The following CDH1 variants were observed in gnomAD, a reference collection of about 807,000 sequenced individuals.
CDH1 encodes the protein cadherin-1.
A neutral mutation model predicts 84.5 loss-of-function variants in CDH1; 35 were observed. That is an observed-to-expected ratio of 0.41 (90% CI 0.32 to 0.55). The LOEUF (loss-of-function observed/expected upper bound fraction) is 0.55, where lower values mean the gene tolerates loss of function less well. Ranked by LOEUF, CDH1 falls within the 20% of genes least tolerant of loss-of-function variation. The probability of loss-of-function intolerance (pLI) is 0.19; values close to 1 mark genes in which losing one functional copy is unlikely to be tolerated. For missense variants in CDH1, 994 were observed against 1,126.6 expected, an observed-to-expected ratio of 0.88 and a Z score of 1.68; for synonymous variants, 417 against 439.0, an observed-to-expected ratio of 0.95 and a Z score of 0.63.
Position 68,737,369 on chromosome 16 carries a change from C to T in CDH1, c.-47C>T, listed in dbSNP as rs1064796160. 3.3e-6 allele frequency: 5 copies of T among 1,511,614 alleles called. No homozygotes were observed. The highest frequency in any genetic ancestry group is 4.4e-6 in the Non-Finnish European group (5 of 1,130,006). The allele number at this position is 1,511,614 out of a possible 1,614,324, so 93.6% of individuals were successfully genotyped here. A position where few individuals can be genotyped will look rare whatever the true frequency, so the allele number is the denominator to read the frequency against. ...TCCAGCCCGCTCCAGCCCGGCCCGA[C>T]CCGACCGCACCCGGCGCCTGCCCTC... On this transcript the variant is annotated 5_prime_UTR_variant, in exon 1 of 16. Coordinates refer to ENST00000261769, the MANE Select transcript of CDH1 (RefSeq NM_004360.5).
chr16:68,814,318 C>A (rs537134190), intron 9 of CDH1: 1 of 152,956 alleles, frequency 6.5e-6, no homozygotes, highest in Non-Finnish European at 1.5e-5. Context: ...GAGGCCGAGG[C>A]GGGCAGATCA....
At chr16:68,791,960 G>A (rs1960219908) in intron 2 of CDH1, among the ~76,000 whole-genome samples, 2 of 152,010 alleles carry the variant, frequency 1.3e-5, no homozygotes, top group South Asian at 4.2e-4. Flanking sequence ...TCTCTCTGTT[G>A]CCCAGGCTGG....
chr16:68,799,030 C>G (rs1215499142), intron 2 of CDH1, among the ~76,000 whole-genome samples: 1 of 152,184 alleles, frequency 6.6e-6, no homozygotes, highest in African/African-American at 2.4e-5. Flanking sequence ...CTGTCTTGGT[C>G]TTCACAAAAC....
chr16:68,819,006 C>T (rs1011371127), intron 10 of CDH1, among the ~76,000 whole-genome samples: 8 of 152,090 alleles, frequency 5.3e-5, no homozygotes, highest in African/African-American at 1.9e-4. Context: ...CAGGCGTGTG[C>T]CACCACACCC....
At chr16:68,811,563 C>G in intron 6 of CDH1, 121 bp from the exon 7 acceptor site, 1 of 850,572 alleles carries the variant, frequency 1.2e-6, no homozygotes, top group Non-Finnish European at 2.0e-6. Context: ...TTAGGGAACT[C>G]TGACACGGTA....
chr16:68,799,528 C>A (rs1960442723), intron 2 of CDH1, among the ~76,000 whole-genome samples: 1 of 152,018 alleles, frequency 6.6e-6, no homozygotes, highest in Non-Finnish European at 1.5e-5. Flanking sequence ...GAGAACCTTT[C>A]AATCTTTCCT....
chr16:68,833,880 G>T lies in CDH1; in HGVS notation c.*381G>T. On this transcript the variant is annotated 3_prime_UTR_variant, in exon 16 of 16. Transcript: ENST00000261769. Reference sequence around the variant, plus strand: ...AGAAGGGGAGAAGTCAGCTACTCTAGTTCTGTTGTTTTGTGTATATAATTT... The same window carrying T: ...AGAAGGGGAGAAGTCAGCTACTCTATTTCTGTTGTTTTGTGTATATAATTT... The T allele has an allele frequency of 2.7e-6, 1 of 366,298 alleles. No homozygotes were observed. Among genetic ancestry groups the T allele is most frequent in the Non-Finnish European group, 5.0e-6 (1 of 198,304 alleles). 22.7% of individuals were successfully genotyped at this position (366,298 alleles called of 1,614,324 possible).
At chr16:68,810,965 C>G (rs888689901) in intron 6 of CDH1, among the ~76,000 whole-genome samples, 1 of 152,100 alleles carries the variant, frequency 6.6e-6, no homozygotes, top group Non-Finnish European at 1.5e-5. Flanking sequence ...CTCAGCCCCA[C>G]AAGCTGCTAA....
At position 68,738,427 on chromosome 16, in the gene CDH1, C is replaced by G. The variant is rs1395024294; in HGVS notation, c.163+16C>G. ...CTGGGCAGAGGTGAGGGCGCGCTGCCGGTGTCCCTGGGCGGAGTAGGGAGG... is the reference window on the plus strand; with the variant it reads ...CTGGGCAGAGGTGAGGGCGCGCTGCGGGTGTCCCTGGGCGGAGTAGGGAGG... On this transcript the variant is annotated intron_variant, in intron 2 of 15. Coordinates refer to ENST00000261769, the MANE Select transcript of CDH1 (RefSeq NM_004360.5). The G allele has an allele frequency of 2.0e-6, 3 of 1,518,518 alleles. No individual in the cohort carries two copies. Among genetic ancestry groups the G allele is most frequent in the Admixed American group, 4.0e-5 (2 of 50,458 alleles). The allele number at this position is 1,518,518 out of a possible 1,614,324, so 94.1% of individuals were successfully genotyped here. A position where few individuals can be genotyped will look rare whatever the true frequency, so the allele number is the denominator to read the frequency against.
At chr16:68,780,565 A>C (rs1959847989) in intron 2 of CDH1, among the ~76,000 whole-genome samples, 1 of 152,176 alleles carries the variant, frequency 6.6e-6, no homozygotes. Context: ...GCTTGGGATT[A>C]CGGGCTTCGG....
rs2152127104 is a variant in CDH1, at chr16:68,801,906, T to G, written c.387+13T>G. On this transcript the variant is annotated intron_variant, in intron 3 of 15. Coordinates refer to ENST00000261769, the MANE Select transcript of CDH1 (RefSeq NM_004360.5). ...CCCGCCCCATCAGGTATGTTGGCAT[T>G]TTTCTGAGAAGTTCGCTGTTGTTTT... The G allele has an allele frequency of 1.2e-6, 2 of 1,606,422 alleles. No individual in the cohort carries two copies. The highest frequency in any genetic ancestry group is 1.7e-6 in the Non-Finnish European group (2 of 1,173,156).
intron 2 of CDH1, among the ~76,000 whole-genome samples, chr16:68,751,262 A>T (rs1371943972): frequency 6.6e-6 from 1 of 152,160 alleles, no homozygotes; most frequent in Non-Finnish European, 1.5e-5. Flanking sequence ...CCTTTGACTC[A>T]TGTACCTGGG....
At chr16:68,805,715 C>A (rs887789829) in intron 3 of CDH1, among the ~76,000 whole-genome samples, 3 of 152,178 alleles carry the variant, frequency 2.0e-5, no homozygotes, top group African/African-American at 7.2e-5. Flanking sequence ...CTGCCTCAGC[C>A]TTCTGAGTAG....
intron 10 of CDH1, among the ~76,000 whole-genome samples, chr16:68,817,183 G>A (rs1961008926): frequency 6.6e-6 from 1 of 152,150 alleles, no homozygotes; most frequent in African/African-American, 2.4e-5. Context: ...CATGACCCTA[G>A]TAAATAACTG....
intron 2 of CDH1, among the ~76,000 whole-genome samples, chr16:68,748,636 A>C (rs1486507233): frequency 6.6e-6 from 1 of 152,184 alleles, no homozygotes; most frequent in Non-Finnish European, 1.5e-5. Context: ...TGTATCTGGA[A>C]GATGAATTTC....
intron 2 of CDH1, among the ~76,000 whole-genome samples, chr16:68,764,204 T>C (rs1157213898): frequency 6.6e-6 from 1 of 152,222 alleles, no homozygotes; most frequent in Non-Finnish European, 1.5e-5. Context: ...GTGGATCATG[T>C]CTACATCTTT....
At chr16:68,788,937 G>A (rs940328052) in intron 2 of CDH1, among the ~76,000 whole-genome samples, 3 of 152,108 alleles carry the variant, frequency 2.0e-5, no homozygotes, top group Non-Finnish European at 2.9e-5. Context: ...CGCAGGAGGC[G>A]GAGGTTGCGG....
At chr16:68,790,590 G>A (rs148144102) in intron 2 of CDH1, among the ~76,000 whole-genome samples, 22 of 152,200 alleles carry the variant, frequency 1.4e-4, no homozygotes, top group African/African-American at 5.1e-4. Context: ...AAAATCAAAC[G>A]CATTTCCCTC....
At chr16:68,750,685 C>T (rs1275035432) in intron 2 of CDH1, among the ~76,000 whole-genome samples, 2 of 151,412 alleles carry the variant, frequency 1.3e-5, no homozygotes, top group South Asian at 4.2e-4. Context: ...TTCAGGTACG[C>T]CTGTACACCT....
Sources: gnomAD v4.1 joint callset for allele counts (sites outside exome capture counted in the v4.1 genomes callset) on GRCh38, gnomAD v4.1.1 for gene constraint, MANE v1.5 for transcripts, NCBI Gene and HGNC (gene_info 2026-07-23, HGNC 2026-07-21) for gene names.